Variants in SERPINA11 observed in about 807,000 individuals in gnomAD.
SERPINA11 encodes the protein serpin family A member 11, also known as serpin A11.
Under a neutral mutation model 29.4 loss-of-function variants are expected in SERPINA11, and 28 were observed. The observed-to-expected ratio is 0.95, with a 90% confidence interval of 0.70 to 1.30. The LOEUF (loss-of-function observed/expected upper bound fraction) is 1.30. Among genes scored for constraint, SERPINA11 ranks in the 50% most tolerant of loss-of-function variants. The probability of loss-of-function intolerance (pLI) is 0.00; values close to 1 mark genes in which losing one functional copy is unlikely to be tolerated. For missense variants in SERPINA11, 530 were observed against 507.3 expected (o/e 1.04, Z -0.43); for synonymous variants, 253 against 206.6 (o/e 1.22, Z -1.92).
intron 1 of SERPINA11, among the ~76,000 whole-genome samples, chr14:94,449,389 CCTCTTTCTTTCTTTCTATTCTTT>C (rs1898516398): frequency 6.6e-5 from 3 of 45,682 alleles, no homozygotes; most frequent in South Asian, 9.2e-4. Context: ...AGCCTCCCTC[CCTCTTTCTTTCTTTCTATTCTTT>C]CTTTCTTTCT....
chr14:94,444,894 C>T (rs1004050232), intron 3 of SERPINA11, among the ~76,000 whole-genome samples: 1 of 152,206 alleles, frequency 6.6e-6, no homozygotes. Flanking sequence ...GCTCTCCAAC[C>T]ACCCATTGGC....
Position 94,448,450 on chromosome 14 carries a change from C to G in SERPINA11, c.325G>C (p.Glu109Gln), listed in dbSNP as rs1215408701. The change falls in exon 2 of 5, where the codon GAA becomes CAA. Residue 109 changes from glutamate to glutamine, a missense_variant. By Grantham distance (29) the Glu-to-Gln change is conservative (BLOSUM62 2). Transcript: ENST00000334708. ...ILEGLGFNLT[E>Q]TPEADIHQGF... The stretch of plus-strand genomic sequence containing the variant: ...TGGTGGATGTCGGCTTCAGGGGTTT[C>G]TGTGAGGTTGAATCCCAGGCCCTCC... The G allele has an allele frequency of 1.2e-6, 2 of 1,614,132 alleles. No homozygotes were observed. The highest frequency in any genetic ancestry group is 1.7e-6 in the Non-Finnish European group (2 of 1,180,022).
At chr14:94,449,847 T>C (rs1485969500) in intron 1 of SERPINA11, among the ~76,000 whole-genome samples, 1 of 152,166 alleles carries the variant, frequency 6.6e-6, no homozygotes, top group Non-Finnish European at 1.5e-5. Context: ...CTGCCAGTGA[T>C]ATTAGGCCTC....
In SERPINA11 at chr14:94,442,752, A is replaced by AAGC. The variant is rs1898366300; in HGVS notation, c.1120_1122dup (p.Ala374dup). On this transcript the variant is annotated inframe_insertion, in exon 5 of 5. Transcript: ENST00000334708. The stretch of plus-strand genomic sequence containing the variant: ...GATGGGGGCTGGGAGAGGAGGCCTG[A>AAGC]AGCAGCCCCGGCCTCGGTCCCCTTC... The AAGC allele has an allele frequency of 1.2e-6, 2 of 1,613,380 alleles. No homozygotes were observed. Among genetic ancestry groups the AAGC allele is most frequent in the African/African-American group, 1.3e-5 (1 of 74,894 alleles).
At chr14:94,450,369 C>T (rs1256826695) in intron 1 of SERPINA11, among the ~76,000 whole-genome samples, 2 of 152,076 alleles carry the variant, frequency 1.3e-5, no homozygotes, top group Non-Finnish European at 2.9e-5. Context: ...GATGTCCTTA[C>T]AAGAAGGAGC....
intron 1 of SERPINA11, among the ~76,000 whole-genome samples, chr14:94,449,423 TTC>T (rs1898526833): frequency 5.8e-5 from 5 of 85,816 alleles, no homozygotes; most frequent in South Asian, 4.4e-4. Flanking sequence ...CTTTCTTTCT[TTC>T]TTTCTTTCTT....
Position 94,446,528 on chromosome 14 carries a change from G to A in SERPINA11, c.720C>T (p.Leu240=), listed in dbSNP as rs772641229. The A allele has an allele frequency of 9.3e-6, 15 of 1,614,174 alleles. No homozygotes were observed. Among genetic ancestry groups the A allele is most frequent in the Middle Eastern group, 3.3e-4 (2 of 6,062 alleles). The change falls in exon 3 of 5, where the codon CTC becomes CTT. Residue 240 remains leucine (L), a synonymous_variant. Transcript: ENST00000334708. ...CCTTTTGGTGCATCATGGGGACCTG[G>A]AGAGAAGTCCTCTCATCCACAAAGA... ...ESFFVDERTS[L]QVPMMHQKEM... is the part of the protein sequence containing the mutation.
chr14:94,443,008 C>A, intron 4 of SERPINA11, 70 bp downstream of exon 4: 6 of 1,514,102 alleles, frequency 4.0e-6, no homozygotes, highest in Admixed American at 2.1e-5. Context: ...TTTTAAATGT[C>A]CCACATGCCA....
Position 94,448,129 on chromosome 14 carries a change from C to G in SERPINA11, c.643+3G>C. On this transcript the variant is annotated splice_donor_region_variant and intron_variant, in intron 2 of 4. Coordinates refer to ENST00000334708, the MANE Select transcript of SERPINA11 (RefSeq NM_001080451.2). ...GCAATAATTCTGTCAGAGCAAGCCT[C>G]ACCTTTGAAGAAGATGTAATTGGCA... 6.2e-7 allele frequency: 1 copy of G among 1,611,684 alleles called. No individual in the cohort carries two copies. Among genetic ancestry groups the G allele is most frequent in the Non-Finnish European group, 8.5e-7 (1 of 1,178,274 alleles).
chr14:94,449,501 C>CTCTTTCTTTTTCTTTCTTTCTT, intron 1 of SERPINA11, among the ~76,000 whole-genome samples: 1 of 115,052 alleles, frequency 8.7e-6, no homozygotes, highest in African/African-American at 4.3e-5. Context: ...GTCTTTCTTT[C>CTCTTTCTTTTTCTTTCTTTCTT]TCTTTCTTTT....
rs1314493789 is a variant in SERPINA11 at position 94,448,288 on chromosome 14, C to T, written c.487G>A (p.Ala163Thr). ...GTGAAGTTGGCAGAAAAAGCAAAAG[C>T]TCCATAAAGCTCCTTGATGCTGTCC... ...YLDSIKELYG[A>T]FAFSANFTDS... Residue 163 changes from alanine (A) to threonine (T), a missense_variant, in exon 2 of 5, where the codon GCT becomes ACT. Transcript: ENST00000334708. The T allele has an allele frequency of 2.5e-6, 4 of 1,614,144 alleles. No homozygotes were observed. The highest frequency in any genetic ancestry group is 1.3e-5 in the African/African-American group (1 of 74,942).
intron 3 of SERPINA11, 45 bp downstream of exon 3, chr14:94,446,286 G>A (rs774585274): frequency 1.3e-6 from 2 of 1,570,576 alleles, no homozygotes; most frequent in African/African-American, 2.7e-5. Flanking sequence ...ACCTGCTGGG[G>A]TTCTTGAGCA....
chr14:94,447,514 T>C (rs545839814), intron 2 of SERPINA11, among the ~76,000 whole-genome samples: 2 of 152,214 alleles, frequency 1.3e-5, no homozygotes, highest in South Asian at 2.1e-4. Flanking sequence ...ACCTTCCAAA[T>C]TGTAGCCAGT....
In SERPINA11 at chr14:94,448,553, G is replaced by C; in HGVS notation, c.222C>G (p.Phe74Leu). The C allele has an allele frequency of 3.7e-6, 6 of 1,614,210 alleles. No individual in the cohort carries two copies. Among genetic ancestry groups the C allele is most frequent in the Non-Finnish European group, 5.1e-6 (6 of 1,180,036 alleles). The change falls in exon 2 of 5, where the codon TTC (phenylalanine) becomes TTG (leucine). Residue 74 changes from phenylalanine to leucine, a missense_variant. Coordinates refer to ENST00000334708, the MANE Select transcript of SERPINA11 (RefSeq NM_001080451.2). ...TGGTGGAGATGCTCACTGGCGAGAAGAAGATGTTTCCGGGGGCGTCTGCTG... is the reference window on the plus strand; with the variant it reads ...TGGTGGAGATGCTCACTGGCGAGAACAAGATGTTTCCGGGGGCGTCTGCTG... ...ELAADAPGNI[F>L]FSPVSISTTL...
At position 94,442,844 on chromosome 14, in the gene SERPINA11, T is replaced by C. The variant is rs1476818062; in HGVS notation, c.1066-35A>G. On this transcript the variant is annotated intron_variant, in intron 4 of 4. Coordinates refer to ENST00000334708, the MANE Select transcript of SERPINA11 (RefSeq NM_001080451.2). ...AAGAGGAGATGAAGACAGCATCAGT[T>C]TGGGGGCCTTCAAGGGGAAGACACT... The C allele has an allele frequency of 2.0e-6, 3 of 1,534,528 alleles. No homozygotes were observed. In the African/African-American group the frequency reaches 4.1e-5, roughly 21 times the overall value.
intron 2 of SERPINA11, among the ~76,000 whole-genome samples, chr14:94,446,928 T>G (rs1471798637): frequency 6.6e-6 from 1 of 152,228 alleles, no homozygotes; most frequent in Non-Finnish European, 1.5e-5. Context: ...TAATAAGAAA[T>G]AAGTATTATT....
rs757062491 is a variant in SERPINA11 at position 94,446,401 on chromosome 14, T to C, written c.847A>G (p.Lys283Glu). ...LALLVLPDPG[K>E]MKQVEAALQP... is the part of the protein sequence containing the mutation. ...AGAGCAGCCTCCACCTGCTTCATTT[T>C]CCCCGGGTCAGGGAGGACCAGCAGC... Residue 283 changes from lysine (K) to glutamate (E), a missense_variant, in exon 3 of 5, where the codon AAA (lysine) becomes GAA (glutamate). Lys to Glu is a moderately conservative substitution (Grantham distance 56). Coordinates refer to ENST00000334708, the MANE Select transcript of SERPINA11 (RefSeq NM_001080451.2). 3.1e-6 allele frequency: 5 copies of C among 1,614,162 alleles called. No homozygotes were observed. The Admixed American group carries it at 6.7e-5, about 22-fold the overall frequency.
At chr14:94,445,576 A>T (rs2139775422) in intron 3 of SERPINA11, among the ~76,000 whole-genome samples, 1 of 152,248 alleles carries the variant, frequency 6.6e-6, no homozygotes, top group South Asian at 2.1e-4. Flanking sequence ...GATAATAATA[A>T]TTTTTTATTA....
Position 94,446,723 on chromosome 14 carries a change from T to C in SERPINA11, c.644-119A>G, listed in dbSNP as rs1219281937. On this transcript the variant is annotated intron_variant, in intron 2 of 4. Coordinates refer to ENST00000334708, the MANE Select transcript of SERPINA11 (RefSeq NM_001080451.2). ...CAAGTATGTGGCAAAAAATGTGGAA[T>C]GGTTACAGAGCCAGGAGACCAGAAT... 10 of 1,009,592 alleles carry C rather than the reference T, an allele frequency of 9.9e-6. No homozygotes were observed. The East Asian group carries it at 1.9e-4, about 19-fold the overall frequency. The allele number at this position is 1,009,592 out of a possible 1,614,324, so 62.5% of individuals were successfully genotyped here.
Sources: gnomAD v4.1 joint callset for allele counts (sites outside exome capture counted in the v4.1 genomes callset) on GRCh38, gnomAD v4.1.1 for gene constraint, MANE v1.5 for transcripts, NCBI Gene and HGNC (gene_info 2026-07-23, HGNC 2026-07-21) for gene names.